Variants in STRN observed in about 807,000 individuals in gnomAD.
STRN encodes the protein protein phosphatase 2 regulatory subunit B'''alpha.
Under a neutral mutation model 96.3 loss-of-function variants are expected in STRN, and 53 were observed. The ratio of observed to expected loss-of-function variants is 0.55; its 90% confidence interval spans 0.44 to 0.69. The LOEUF is 0.69. Ranked by LOEUF, STRN falls within the 30% of genes least tolerant of loss-of-function variation. The pLI is 0.00. For synonymous variants in STRN, 428 were observed against 355.9 expected (o/e 1.20, Z -2.28); for missense variants, 987 against 963.9 (o/e 1.02, Z -0.32).
chr2:36,915,228 CATAAATATATATATAT>C (rs1305790337), intron 3 of STRN, among the ~76,000 whole-genome samples: 1 of 65,294 alleles, frequency 1.5e-5, no homozygotes, highest in African/African-American at 4.8e-5. Context: ...AAACTGAATA[CATAAATATATATATAT>C]ATATATATAT....
chr2:36,906,369 G>A (rs1008920857), intron 3 of STRN, among the ~76,000 whole-genome samples: 1 of 152,196 alleles, frequency 6.6e-6, no homozygotes. Flanking sequence ...TTAGGTGGGA[G>A]AATCACCTTA....
intron 1 of STRN, among the ~76,000 whole-genome samples, chr2:36,956,568 C>G (rs192754790): frequency 2.5e-3 from 383 of 152,278 alleles, no homozygotes; most frequent in African/African-American, 8.9e-3. Flanking sequence ...AAAAGTATAG[C>G]TGACATCAAG....
intron 7 of STRN, among the ~76,000 whole-genome samples, chr2:36,888,271 GT>G (rs1669291140): frequency 1.3e-5 from 2 of 152,110 alleles, no homozygotes; most frequent in Admixed American, 1.3e-4. Context: ...ATCAACACTG[GT>G]TTCCCTGTGT....
At chr2:36,939,073 A>G (rs1334314141) in intron 1 of STRN, among the ~76,000 whole-genome samples, 1 of 151,960 alleles carries the variant, frequency 6.6e-6, no homozygotes, top group African/African-American at 2.4e-5. Context: ...GCAACCTCCA[A>G]CTTGCTGGTT....
At chr2:36,954,152 TAAAC>T (rs1176662562) in intron 1 of STRN, among the ~76,000 whole-genome samples, 1 of 152,142 alleles carries the variant, frequency 6.6e-6, no homozygotes, top group Non-Finnish European at 1.5e-5. Flanking sequence ...ATGTGATCAA[TAAAC>T]AAACTATATT....
At chr2:36,947,141 C>T (rs900274464) in intron 1 of STRN, among the ~76,000 whole-genome samples, 5 of 152,146 alleles carry the variant, frequency 3.3e-5, no homozygotes, top group African/African-American at 1.2e-4. Flanking sequence ...CATGATCTGC[C>T]TGCCTCGGCC....
chr2:36,869,181 G>A (rs575137008), intron 11 of STRN, among the ~76,000 whole-genome samples: 1 of 152,088 alleles, frequency 6.6e-6, no homozygotes, highest in African/African-American at 2.4e-5. Flanking sequence ...GTAAACAATG[G>A]GGCAAGGTGG....
intron 13 of STRN, among the ~76,000 whole-genome samples, chr2:36,859,234 G>A (rs1234662756): frequency 6.6e-6 from 1 of 152,156 alleles, no homozygotes; most frequent in East Asian, 1.9e-4. Flanking sequence ...AAGCTTGGTA[G>A]TAGTACAGAA....
rs1189268177 is a variant in STRN at position 36,847,898 on chromosome 2, T to A, written c.*1558A>T. 6.6e-6 allele frequency: 1 copy of A among 152,224 alleles called. No homozygotes were observed. The highest frequency in any genetic ancestry group is 1.5e-5 in the Non-Finnish European group (1 of 68,034). 9.4% of individuals were successfully genotyped at this position (152,224 alleles called of 1,614,324 possible). A position where few individuals can be genotyped will look rare whatever the true frequency, so the allele number is the denominator to read the frequency against. ...TTTAATTGGTTAAAATATCTATAGA[T>A]TTAATATTTTTAAAATCTAAGAGCC... On this transcript the variant is annotated 3_prime_UTR_variant, in exon 18 of 18. Transcript: ENST00000263918.
At chr2:36,927,529 G>A (rs918492286) in intron 1 of STRN, among the ~76,000 whole-genome samples, 1 of 146,566 alleles carries the variant, frequency 6.8e-6, no homozygotes, top group Admixed American at 6.9e-5. Flanking sequence ...AAAAAAGGGG[G>A]GGGGGGGTGG....
At chr2:36,947,340 C>T (rs929163375) in intron 1 of STRN, among the ~76,000 whole-genome samples, 4 of 151,700 alleles carry the variant, frequency 2.6e-5, no homozygotes, top group Non-Finnish European at 5.9e-5. Flanking sequence ...AAAATTAAAT[C>T]GAAATGTCAA....
rs114473845 is a variant in STRN at position 36,933,622 on chromosome 2, T to G, written c.235-8414A>C. Among the ~76,000 whole-genome samples, 1,087 of 152,214 alleles carry G rather than the reference T, an allele frequency of 7.1e-3. 11 individuals are homozygous for G. The highest frequency in any genetic ancestry group is 0.025 in the African/African-American group (1,029 of 41,528). ...ATGAGTCTAGCCTAACACCAAGCAT[T>G]TGTTTTTGGAAGTTTTTTTGAGACA... On this transcript the variant is annotated intron_variant, in intron 1 of 17. Transcript: ENST00000263918.
chr2:36,949,696 G>C (rs1664703844), intron 1 of STRN, among the ~76,000 whole-genome samples: 1 of 152,152 alleles, frequency 6.6e-6, no homozygotes, highest in Non-Finnish European at 1.5e-5. Flanking sequence ...TTCTAGAAAG[G>C]GTAAACTGGG....
chr2:36,966,414 C>G lies in STRN; in HGVS notation c.50G>C (p.Gly17Ala). The change falls in exon 1 of 18, where the codon GGC becomes GCC. Residue 17 changes from glycine (G) to alanine (A), a missense_variant. Physicochemically the swap from Gly to Ala is moderately conservative, Grantham distance 60. Coordinates refer to ENST00000263918, the MANE Select transcript of STRN (RefSeq NM_003162.4). ...PGVFFSNNHP[G>A]AGGAKGLGPL... is the part of the protein sequence containing the mutation. Reference sequence around the variant, plus strand: ...CCCGAGCCCCTTGGCACCGCCGGCGCCCGGGTGGTTGTTGCTGAAGAAGAC... The same window carrying G: ...CCCGAGCCCCTTGGCACCGCCGGCGGCCGGGTGGTTGTTGCTGAAGAAGAC... The G allele has an allele frequency of 6.8e-7, 1 of 1,461,400 alleles. No homozygotes were observed. The highest frequency in any genetic ancestry group is 9.0e-7 in the Non-Finnish European group (1 of 1,107,678). 90.5% of individuals were successfully genotyped at this position (1,461,400 alleles called of 1,614,324 possible).
At chr2:36,897,487 G>A (rs1295363236) in intron 6 of STRN, among the ~76,000 whole-genome samples, 1 of 151,382 alleles carries the variant, frequency 6.6e-6, no homozygotes, top group African/African-American at 2.4e-5. Flanking sequence ...CCAGGCTGGA[G>A]TGCAGTGGCG....
At position 36,902,571 on chromosome 2, in the gene STRN, A is replaced by G; in HGVS notation, c.659+13T>C. On this transcript the variant is annotated intron_variant, in intron 5 of 17. Transcript: ENST00000263918. ...TAATAATAGCTAAAACACTTTCCAG[A>G]CAAAATACTTACGCAATCATTGCTG... 1 of 1,583,342 alleles carries G rather than the reference A, an allele frequency of 6.3e-7. No homozygotes were observed. Among genetic ancestry groups the G allele is most frequent in the Non-Finnish European group, 8.6e-7 (1 of 1,163,030 alleles).
At chr2:36,865,243 G>A (rs1330480115) in intron 12 of STRN, among the ~76,000 whole-genome samples, 8 of 152,072 alleles carry the variant, frequency 5.3e-5, no homozygotes, top group African/African-American at 1.9e-4. Flanking sequence ...TTTCTTCTAC[G>A]TTTTCTAGTT....
chr2:36,917,077 A>G (rs1670122297), intron 2 of STRN, among the ~76,000 whole-genome samples: 1 of 149,660 alleles, frequency 6.7e-6, no homozygotes, highest in African/African-American at 2.5e-5. Context: ...AATAAAAAAA[A>G]AAGACTGGGA....
In STRN at chr2:36,884,089, G is replaced by A. The variant is rs760319692; in HGVS notation, c.1043-14C>T. 10 of 1,321,224 alleles carry A rather than the reference G, an allele frequency of 7.6e-6. No individual in the cohort carries two copies. The highest frequency in any genetic ancestry group is 9.8e-6 in the Non-Finnish European group (10 of 1,025,560). 81.8% of individuals were successfully genotyped at this position (1,321,224 alleles called of 1,614,324 possible). A position where few individuals can be genotyped will look rare whatever the true frequency, so the allele number is the denominator to read the frequency against. ...ACCTATTGGGCCCTAGCCAAAAAAA[G>A]GGGGGGTGGGAGGAGATAAAAAAGA... is the stretch of plus-strand genomic sequence containing the variant. On this transcript the variant is annotated splice_polypyrimidine_tract_variant and intron_variant, in intron 8 of 17. Coordinates refer to ENST00000263918, the MANE Select transcript of STRN (RefSeq NM_003162.4).
Sources: allele counts gnomAD v4.1 joint callset (sites outside exome capture counted in the v4.1 genomes callset), GRCh38; gene constraint gnomAD v4.1.1; transcripts MANE v1.5; gene names NCBI Gene and HGNC (gene_info 2026-07-23, HGNC 2026-07-21).